Variants in ANKRD26 observed in about 807,000 individuals in gnomAD.
ANKRD26 encodes the protein ankyrin repeat domain 26.
In ANKRD26, 141 loss-of-function variants were observed where a neutral mutation model predicts 208.7. The ratio of observed to expected loss-of-function variants is 0.68; its 90% CI spans 0.59 to 0.78. The LOEUF (loss-of-function observed/expected upper bound fraction) is 0.78, where lower values mean the gene tolerates loss of function less well. Ranked by LOEUF, ANKRD26 falls within the 30% of genes least tolerant of loss-of-function variation. ANKRD26 has a pLI of 0.00. For missense variants in ANKRD26, 1,889 were observed against 1,938.7 expected (o/e 0.97, Z 0.48); for synonymous variants, 636 against 660.4 (o/e 0.96, Z 0.57).
intron 28 of ANKRD26, among the ~76,000 whole-genome samples, chr10:27,023,184 C>G (rs1385815440): frequency 6.6e-6 from 1 of 151,908 alleles, no homozygotes; most frequent in Non-Finnish European, 1.5e-5. Flanking sequence ...CAAAAATTAG[C>G]CAGGCGTGGT....
intron 9 of ANKRD26, among the ~76,000 whole-genome samples, chr10:27,069,936 AGCG>A (rs2055418203): frequency 6.6e-6 from 1 of 151,908 alleles, no homozygotes; most frequent in Admixed American, 6.6e-5. Flanking sequence ...TGGATAATAT[AGCG>A]AGACCCCATC....
chr10:27,053,565 G>A (rs954540845), intron 15 of ANKRD26, among the ~76,000 whole-genome samples, 175 bp from the exon 16 acceptor site: 4 of 152,094 alleles, frequency 2.6e-5, no homozygotes, highest in Non-Finnish European at 2.9e-5. Context: ...GTGCAGTGGC[G>A]CAATCACAAA....
downstream of ANKRD26, among the ~76,000 whole-genome samples, chr10:26,971,812 A>G (rs1016449675): frequency 6.6e-6 from 1 of 152,136 alleles, no homozygotes; most frequent in Non-Finnish European, 1.5e-5. Context: ...CCCAGCTTTT[A>G]CCTGGCTTGG....
At chr10:26,949,024 A>G in the ANKRD26 span, among the ~76,000 whole-genome samples, 4 of 152,194 alleles carry the variant, frequency 2.6e-5, no homozygotes, top group East Asian at 7.7e-4. Flanking sequence ...ATACTGATCT[A>G]GTATTTACTG....
At chr10:27,065,997 T>G (rs2055232396) in intron 11 of ANKRD26, among the ~76,000 whole-genome samples, 1 of 150,020 alleles carries the variant, frequency 6.7e-6, no homozygotes, top group Non-Finnish European at 1.5e-5. Flanking sequence ...TCCCGAGTAG[T>G]GACTACAGGC....
downstream of ANKRD26, among the ~76,000 whole-genome samples, chr10:26,999,245 GT>G (rs1206638447): frequency 2.0e-5 from 3 of 152,168 alleles, no homozygotes; most frequent in African/African-American, 7.2e-5. Context: ...TTCAGTTATA[GT>G]TGTCCATTTG....
chr10:26,961,431 G>A, the ANKRD26 span, among the ~76,000 whole-genome samples: 1 of 152,132 alleles, frequency 6.6e-6, no homozygotes, highest in African/African-American at 2.4e-5. Flanking sequence ...TGAGATATAA[G>A]CGTGGGATCC....
intron 4 of ANKRD26, among the ~76,000 whole-genome samples, chr10:27,088,984 G>C (rs1212619583): frequency 1.3e-5 from 2 of 152,220 alleles, no homozygotes; most frequent in African/African-American, 2.4e-5. Flanking sequence ...CCAGCTGCCA[G>C]AGCAGGGTGC....
intron 18 of ANKRD26, among the ~76,000 whole-genome samples, chr10:27,044,945 T>C (rs2054388531): frequency 6.6e-6 from 1 of 152,220 alleles, no homozygotes; most frequent in African/African-American, 2.4e-5. Context: ...AATCTATATT[T>C]TCATTCTATT....
In ANKRD26 at chr10:27,100,114, A is replaced by C. The variant is rs780430319; in HGVS notation, c.213T>G (p.Asn71Lys). ...TCATCTTGTCTCTATCGTTCAAGCC[A>C]TTCTTCCTGAGCAAAAGGATCTGCT... The part of the protein sequence containing the change: ...KVQQILLLRK[N>K]GLNDRDKMNR... The change falls in exon 1 of 34, where the codon AAT becomes AAG. Residue 71 changes from asparagine to lysine, a missense_variant. Physicochemically the swap from Asn to Lys is moderately conservative, Grantham distance 94. Transcript: ENST00000376087. The C allele has an allele frequency of 6.2e-7, 1 of 1,614,098 alleles. No individual in the cohort carries two copies. Among genetic ancestry groups the C allele is most frequent in the Non-Finnish European group, 8.5e-7 (1 of 1,179,962 alleles).
intron 15 of ANKRD26, among the ~76,000 whole-genome samples, chr10:27,054,494 A>G (rs1024535750): frequency 6.6e-6 from 1 of 152,154 alleles, no homozygotes; most frequent in Non-Finnish European, 1.5e-5. Flanking sequence ...CTGAGTCAGG[A>G]AAATCACTTG....
At chr10:27,022,193 T>A (rs2053512156) in intron 29 of ANKRD26, among the ~76,000 whole-genome samples, 1 of 152,196 alleles carries the variant, frequency 6.6e-6, no homozygotes. Flanking sequence ...AAGTTCTCAC[T>A]ACTAAGTGGG....
chr10:27,033,318 T>C lies in ANKRD26; in HGVS notation c.3714A>G (p.Ser1238=), dbSNP rs377236840. Residue 1238 remains serine (S), a synonymous_variant, in exon 25 of 34, where the codon TCA becomes TCG. Transcript: ENST00000376087. ...LADTLKKQSM[S]EASLEVTSRY... ...GTGACGTAACCTCCAGTGAAGCCTC[T>C]GACATAGATTGTTTTTTTAGGGTAT... The C allele has an allele frequency of 9.9e-6, 16 of 1,612,470 alleles. No homozygotes were observed. The highest frequency in any genetic ancestry group is 1.4e-5 in the Non-Finnish European group (16 of 1,178,952).
At chr10:27,002,903 G>A (rs568459414), downstream of ANKRD26, among the ~76,000 whole-genome samples, 16 of 151,374 alleles carry the variant, frequency 1.1e-4, no homozygotes, top group Non-Finnish European at 2.1e-4. Context: ...ACCCAAAATT[G>A]GGTAGTATCT....
downstream of ANKRD26, among the ~76,000 whole-genome samples, chr10:26,969,904 G>A (rs369194681): frequency 6.6e-6 from 1 of 150,594 alleles, no homozygotes; most frequent in Admixed American, 6.6e-5. Flanking sequence ...ATGCGATCTC[G>A]GCTCACTGCA....
chr10:27,029,073 A>C lies in ANKRD26; in HGVS notation c.3879-128T>G. 4 of 1,000,610 alleles carry C rather than the reference A, an allele frequency of 4.0e-6. No homozygotes were observed. In the South Asian group the frequency reaches 6.4e-5, roughly 16 times the overall value. The allele number at this position is 1,000,610 out of a possible 1,614,324, so 62.0% of individuals were successfully genotyped here. A position where few individuals can be genotyped will look rare whatever the true frequency, so the allele number is the denominator to read the frequency against. On this transcript the variant is annotated intron_variant, in intron 26 of 33. Transcript: ENST00000376087. Reference sequence around the variant, plus strand: ...AGATTTCAAAAGTAGGTGATTTGGCAACTCTATCGTTTTTCTAGTTGTGGT... The same window carrying C: ...AGATTTCAAAAGTAGGTGATTTGGCCACTCTATCGTTTTTCTAGTTGTGGT...
the ANKRD26 span, among the ~76,000 whole-genome samples, chr10:26,950,912 T>A: frequency 1.3e-5 from 2 of 151,104 alleles, no homozygotes; most frequent in Admixed American, 6.6e-5. Flanking sequence ...ATACCAAGAA[T>A]ACAACTGCCT....
intron 5 of ANKRD26, among the ~76,000 whole-genome samples, chr10:26,977,419 C>A (rs1479205450): frequency 6.6e-6 from 1 of 152,114 alleles, no homozygotes; most frequent in Non-Finnish European, 1.5e-5. Flanking sequence ...AGGGATAAAC[C>A]TTTTTATATC....
At chr10:27,044,062 G>T in intron 19 of ANKRD26, 95 bp downstream of exon 19, 1 of 942,148 alleles carries the variant, frequency 1.1e-6, no homozygotes. Flanking sequence ...CCAAAGTGCT[G>T]AGATTACAGG....
Sources: gnomAD v4.1 joint callset for allele counts (sites outside exome capture counted in the v4.1 genomes callset) on GRCh38, gnomAD v4.1.1 for gene constraint, MANE v1.5 for transcripts, NCBI Gene and HGNC (gene_info 2026-07-23, HGNC 2026-07-21) for gene names.